CDC14A: variants seen among roughly 807,000 people sequenced by gnomAD.
CDC14A encodes the protein dual specificity protein phosphatase CDC14A.
CDC14A carries 53 observed loss-of-function variants against 74.4 expected under a neutral mutation model. That is an observed-to-expected ratio of 0.71 (90% CI 0.57 to 0.89). CDC14A has a LOEUF of 0.89. CDC14A is among the 40% of genes least tolerant of loss of function. The pLI, the probability that CDC14A is intolerant of heterozygous loss-of-function variation, is 0.00. For missense variants in CDC14A, 646 were observed against 713.7 expected (o/e 0.91, Z 1.08); for synonymous variants, 247 against 258.4 (o/e 0.96, Z 0.43).
intron 3 of CDC14A, among the ~76,000 whole-genome samples, chr1:100,380,906 C>T (rs1656012638): frequency 6.6e-6 from 1 of 152,208 alleles, no homozygotes; most frequent in African/African-American, 2.4e-5. Context: ...GCTCTTCATT[C>T]TTTAATACCT....
At chr1:100,441,803 A>G (rs114057718) in intron 6 of CDC14A, among the ~76,000 whole-genome samples, 3,010 of 152,226 alleles carry the variant, frequency 0.02, 109 homozygotes, top group African/African-American at 0.069. Flanking sequence ...CAACCACAGC[A>G]AATATGATTT....
At chr1:100,490,008 A>G (rs987609283) in intron 11 of CDC14A, among the ~76,000 whole-genome samples, 4 of 152,222 alleles carry the variant, frequency 2.6e-5, no homozygotes, top group Non-Finnish European at 5.9e-5. Context: ...ATCATGAAGA[A>G]TGAATCTGGT....
intron 3 of CDC14A, among the ~76,000 whole-genome samples, chr1:100,381,410 G>A (rs1656081828): frequency 1.3e-5 from 2 of 152,092 alleles, no homozygotes; most frequent in African/African-American, 4.8e-5. Context: ...TAGTAACTTC[G>A]TCTTAGGATT....
intron 15 of CDC14A, among the ~76,000 whole-genome samples, chr1:100,512,825 T>G (rs961900916): frequency 8.5e-5 from 13 of 152,164 alleles, no homozygotes; most frequent in African/African-American, 3.1e-4. Flanking sequence ...AACACAAACC[T>G]TCATCCTTTT....
chr1:100,497,979 G>C (rs778143290), intron 13 of CDC14A, 106 bp from the exon 14 acceptor site: 32 of 1,244,472 alleles, frequency 2.6e-5, no homozygotes, highest in Non-Finnish European at 3.4e-5. Flanking sequence ...ATTAGGACCT[G>C]TCATGATATC....
At chr1:100,383,358 A>C (rs767081372) in intron 3 of CDC14A, 7 of 152,664 alleles carry the variant, frequency 4.6e-5, no homozygotes, top group Admixed American at 1.3e-4. Flanking sequence ...ATTGGGTTTG[A>C]AACAAAGTGG....
chr1:100,455,249 G>A (rs1666565928), intron 7 of CDC14A, among the ~76,000 whole-genome samples, 156 bp from the exon 8 acceptor site: 1 of 152,172 alleles, frequency 6.6e-6, no homozygotes. Flanking sequence ...ATAGCATTTT[G>A]AGAATCAGGT....
chr1:100,505,022 T>C, intron 15 of CDC14A: 1 of 1,206,760 alleles, frequency 8.3e-7, no homozygotes, highest in African/African-American at 1.5e-5. Context: ...GTTTACATAT[T>C]GTCTGTGTAT....
At chr1:100,442,127 G>C (rs914529966) in intron 6 of CDC14A, among the ~76,000 whole-genome samples, 1 of 150,224 alleles carries the variant, frequency 6.7e-6, no homozygotes, top group Non-Finnish European at 1.5e-5. Context: ...ACAAAACTGA[G>C]TATGACTTTT....
At chr1:100,368,268 A>G (rs1046707740) in intron 2 of CDC14A, among the ~76,000 whole-genome samples, 1 of 152,346 alleles carries the variant, frequency 6.6e-6, no homozygotes, top group Non-Finnish European at 1.5e-5. Context: ...ATTTGAAATA[A>G]TTGAAGAATT....
upstream of CDC14A, among the ~76,000 whole-genome samples, chr1:100,348,652 T>C (rs1411244283): frequency 6.6e-6 from 1 of 152,188 alleles, no homozygotes; most frequent in Non-Finnish European, 1.5e-5. Flanking sequence ...AATGGAGATA[T>C]TTATCTGGGG....
At chr1:100,435,460 A>AAAT (rs1188052037) in intron 5 of CDC14A, among the ~76,000 whole-genome samples, 9 of 152,200 alleles carry the variant, frequency 5.9e-5, no homozygotes, top group Admixed American at 3.9e-4. Flanking sequence ...GGGGTAGTAA[A>AAAT]AATATTTTGG....
chr1:100,499,305 T>G, intron 15 of CDC14A, 43 bp downstream of exon 15: 1 of 1,614,212 alleles, frequency 6.2e-7, no homozygotes, highest in Non-Finnish European at 8.5e-7. Flanking sequence ...GAACCCTGAA[T>G]GCAACTTCTG....
upstream of CDC14A, among the ~76,000 whole-genome samples, chr1:100,350,150 T>C (rs933706709): frequency 3.9e-5 from 6 of 152,164 alleles, no homozygotes; most frequent in Non-Finnish European, 7.4e-5. Flanking sequence ...GTTGGGGGTT[T>C]CACCATGTTG....
intron 15 of CDC14A, chr1:100,504,711 C>T: frequency 1.2e-6 from 1 of 820,822 alleles, no homozygotes. Flanking sequence ...TAAATACTGA[C>T]TTTCTTTGTT....
chr1:100,407,880 TG>T (rs1236011312), intron 4 of CDC14A, among the ~76,000 whole-genome samples: 1 of 152,230 alleles, frequency 6.6e-6, no homozygotes, highest in Non-Finnish European at 1.5e-5. Flanking sequence ...TACATACTGA[TG>T]TTTTTTTAAA....
At chr1:100,485,729 C>T (rs1669963294) in intron 11 of CDC14A, 1 of 152,206 alleles carries the variant, frequency 6.6e-6, no homozygotes, top group Admixed American at 6.5e-5. Flanking sequence ...CACATCATAG[C>T]TCTCTTAGGT....
chr1:100,453,688 G>A (rs945804112), intron 7 of CDC14A, among the ~76,000 whole-genome samples: 2 of 152,204 alleles, frequency 1.3e-5, no homozygotes, highest in East Asian at 1.9e-4. Context: ...GGCCCAAGCT[G>A]GAGTGCAATG....
chr1:100,393,577 G>T (rs1405435192), intron 4 of CDC14A: 1 of 723,802 alleles, frequency 1.4e-6, no homozygotes, highest in Non-Finnish European at 2.6e-6. Flanking sequence ...ATAGTAGGTT[G>T]GTATCTGCGA....
Sources: gnomAD v4.1 joint callset for allele counts (sites outside exome capture counted in the v4.1 genomes callset) on GRCh38, gnomAD v4.1.1 for gene constraint, MANE v1.5 for transcripts, NCBI Gene and HGNC (gene_info 2026-07-23, HGNC 2026-07-21) for gene names.